Variants in SLCO3A1 observed in about 807,000 individuals in gnomAD.
The protein encoded by SLCO3A1 is PGE1 transporter.
A neutral mutation model predicts 63.1 loss-of-function variants in SLCO3A1; 27 were observed. That is an observed-to-expected ratio of 0.43 (90% CI 0.32 to 0.59). The LOEUF (loss-of-function observed/expected upper bound fraction) is 0.59. SLCO3A1 is among the 20% of genes least tolerant of loss of function. The pLI is 0.09. For synonymous variants in SLCO3A1, 473 were observed against 409.9 expected, an observed-to-expected ratio of 1.15 and a Z score of -1.86; for missense variants, 773 against 945.8, an observed-to-expected ratio of 0.82 and a Z score of 2.40.
At chr15:92,046,240 C>T (rs1008192203) in intron 2 of SLCO3A1, among the ~76,000 whole-genome samples, 2 of 151,948 alleles carry the variant, frequency 1.3e-5, no homozygotes, top group South Asian at 2.1e-4. Context: ...GTCGGCTGGG[C>T]GTGGTGGGTC....
chr15:92,084,689 A>G (rs2047384761), intron 2 of SLCO3A1, among the ~76,000 whole-genome samples: 2 of 152,242 alleles, frequency 1.3e-5, no homozygotes, highest in African/African-American at 4.8e-5. Flanking sequence ...GCCAGCAGGT[A>G]GCAGATGCCT....
intron 2 of SLCO3A1, among the ~76,000 whole-genome samples, chr15:91,989,285 C>T (rs1054001728): frequency 6.6e-6 from 1 of 152,270 alleles, no homozygotes; most frequent in Middle Eastern, 3.4e-3. Context: ...ATATGGACTC[C>T]TGCTGCAGCC....
intron 3 of SLCO3A1, 90 bp from the exon 4 acceptor site, chr15:92,104,189 C>G: frequency 6.9e-7 from 1 of 1,447,470 alleles, no homozygotes; most frequent in Non-Finnish European, 9.4e-7. Flanking sequence ...GAGCCCTTGC[C>G]CTCTCTGTTC....
At chr15:91,905,536 C>T (rs576820358) in intron 1 of SLCO3A1, among the ~76,000 whole-genome samples, 31 of 150,004 alleles carry the variant, frequency 2.1e-4, no homozygotes, top group African/African-American at 5.1e-4. Flanking sequence ...TATTTTTTTC[C>T]GGATATTTTG....
rs1306154677 is a variant in SLCO3A1, at chr15:91,882,446, G to A, written c.180+28358G>A. 2.0e-5 allele frequency among the ~76,000 whole-genome samples: 3 copies of A among 152,284 alleles called. No homozygotes were observed. Among genetic ancestry groups the A allele is most frequent in the Non-Finnish European group, 4.4e-5 (3 of 68,028 alleles). On this transcript the variant is annotated intron_variant, in intron 1 of 9. Coordinates refer to ENST00000318445, the MANE Select transcript of SLCO3A1 (RefSeq NM_013272.4). The surrounding 1 kb of genome is among the most constrained non-coding windows in gnomAD (Gnocchi z 4.4). ...ATGAATCAATGAATGATCAAACAGA[G>A]GGACATGAAATTTGCTAATACGGTA...
At chr15:92,043,840 C>T (rs1195124506) in intron 2 of SLCO3A1, among the ~76,000 whole-genome samples, 1 of 152,178 alleles carries the variant, frequency 6.6e-6, no homozygotes, top group Non-Finnish European at 1.5e-5. Flanking sequence ...TTGTAGAGAT[C>T]GGTCCAGGGG....
rs571835710 is a variant in SLCO3A1 at position 91,865,187 on chromosome 15, C to T, written c.180+11099C>T. On this transcript the variant is annotated intron_variant, in intron 1 of 9. Transcript: ENST00000318445. The surrounding 1 kb of genome is among the most constrained non-coding windows in gnomAD (Gnocchi z 4.6). ...TGGACTAATTCTGAGCTCTTTTGTA[C>T]TTTATTTGGGAACAGGAATAAGTGG... Among the ~76,000 whole-genome samples, 4 of 152,308 alleles carry T rather than the reference C, an allele frequency of 2.6e-5. No individual in the cohort carries two copies. Among genetic ancestry groups the T allele is most frequent in the African/African-American group, 9.6e-5 (4 of 41,548 alleles).
At position 91,885,473 on chromosome 15, in the gene SLCO3A1, A is replaced by T. The variant is rs888033191; in HGVS notation, c.181-30520A>T. Among the ~76,000 whole-genome samples, 3 of 152,202 alleles carry T rather than the reference A, an allele frequency of 2.0e-5. No individual in the cohort carries two copies. On this transcript the variant is annotated intron_variant, in intron 1 of 9. Transcript: ENST00000318445. The surrounding 1 kb of genome is among the most constrained non-coding windows in gnomAD (Gnocchi z 4.7). Reference sequence around the variant, plus strand: ...GATGCCTCTTTGTTCCAGCAGCCAAACTCCAGCATGTCACAAATCATACAT... The same window carrying T: ...GATGCCTCTTTGTTCCAGCAGCCAATCTCCAGCATGTCACAAATCATACAT...
chr15:92,167,027 A>G (rs142111118), downstream of SLCO3A1, among the ~76,000 whole-genome samples: 1 of 152,376 alleles, frequency 6.6e-6, no homozygotes, highest in Non-Finnish European at 1.5e-5. Flanking sequence ...CAAGACCAGA[A>G]AAACAGGATG....
Position 91,941,666 on chromosome 15 carries a change from GTTTCTC to G in SLCO3A1, c.646+25212_646+25217del. The G allele has an allele frequency of 2.6e-6, 1 of 389,014 alleles. No homozygotes were observed. The allele number at this position is 389,014 out of a possible 1,614,324, so 24.1% of individuals were successfully genotyped here. A position where few individuals can be genotyped will look rare whatever the true frequency, so the allele number is the denominator to read the frequency against. Reference sequence around the variant, plus strand: ...GTACTTTTTCTTACTCGGGATGTTTGTTTCTCTTTGTCTTTAAAAAAATTATTTTTC... The same window carrying G: ...GTACTTTTTCTTACTCGGGATGTTTGTTTGTCTTTAAAAAAATTATTTTTC... On this transcript the variant is annotated intron_variant, in intron 2 of 9. Coordinates refer to ENST00000318445, the MANE Select transcript of SLCO3A1 (RefSeq NM_013272.4). The surrounding 1 kb of genome is among the most constrained non-coding windows in gnomAD (Gnocchi z 4.4).
At chr15:91,963,414 G>GGTGGGGT (rs1379811008) in intron 2 of SLCO3A1, among the ~76,000 whole-genome samples, 1 of 132,490 alleles carries the variant, frequency 7.5e-6, no homozygotes, top group Admixed American at 7.7e-5. Context: ...AGGGTGGGGG[G>GGTGGGGT]GGGGGGCGGC....
intron 2 of SLCO3A1, among the ~76,000 whole-genome samples, chr15:91,926,557 C>CTGTGTGTGTGTGTGTGTGTGTG (rs1567189095): frequency 5.5e-5 from 3 of 54,348 alleles, no homozygotes; most frequent in African/African-American, 3.1e-4. Context: ...TCCTGCCAAG[C>CTGTGTGTGTGTGTGTGTGTGTG]CGTGTGTGTG....
intron 9 of SLCO3A1, among the ~76,000 whole-genome samples, chr15:92,160,771 G>T (rs554061258): frequency 1.3e-5 from 2 of 152,090 alleles, no homozygotes; most frequent in Non-Finnish European, 2.9e-5. Context: ...GCTCTCACCC[G>T]ATTCCAGGCA....
chr15:91,891,140 G>GAAA (rs72116786), intron 1 of SLCO3A1, among the ~76,000 whole-genome samples: 1 of 141,966 alleles, frequency 7.0e-6, no homozygotes, highest in African/African-American at 2.5e-5. Context: ...TGGCATTTTG[G>GAAA]AAAAAAAAAA....
chr15:91,869,478 A>G (rs917653215), intron 1 of SLCO3A1, among the ~76,000 whole-genome samples: 2 of 151,686 alleles, frequency 1.3e-5, no homozygotes, highest in Non-Finnish European at 2.9e-5. Context: ...AGAGGTTGCA[A>G]TGAGCCAAGA....
At chr15:92,127,142 TC>T in intron 6 of SLCO3A1, among the ~76,000 whole-genome samples, 1 of 152,196 alleles carries the variant, frequency 6.6e-6, no homozygotes, top group Non-Finnish European at 1.5e-5. Context: ...TGCCCCTCCT[TC>T]CCCTTTACAC....
intron 1 of SLCO3A1, among the ~76,000 whole-genome samples, chr15:91,905,501 T>C (rs79247428): frequency 6.6e-6 from 1 of 152,294 alleles, no homozygotes; most frequent in East Asian, 1.9e-4. Context: ...TTTAGTTATT[T>C]TGATTGCTGT....
intron 9 of SLCO3A1, among the ~76,000 whole-genome samples, chr15:92,158,840 A>C (rs2048402902): frequency 6.6e-6 from 1 of 152,254 alleles, no homozygotes; most frequent in Admixed American, 6.5e-5. Flanking sequence ...CCCTTTGGGA[A>C]AGAATTTTAA....
intron 2 of SLCO3A1, among the ~76,000 whole-genome samples, chr15:91,964,465 AG>A (rs1338853976): frequency 6.6e-6 from 1 of 151,828 alleles, no homozygotes; most frequent in African/African-American, 2.4e-5. Flanking sequence ...ACTCCAGAAC[AG>A]GTTTTACTAA....
Sources: gnomAD v4.1 joint callset for allele counts (sites outside exome capture counted in the v4.1 genomes callset) on GRCh38, gnomAD v4.1.1 for gene constraint, Gnocchi (gnomAD v3.1) non-coding constraint, MANE v1.5 for transcripts, NCBI Gene and HGNC (gene_info 2026-07-23, HGNC 2026-07-21) for gene names.